Variants in SASH1 observed in about 807,000 individuals in gnomAD.
The protein encoded by SASH1 is SAM and SH3 domain containing 1, also known as SAM and SH3 domain-containing protein 1.
In SASH1, 44 loss-of-function variants were observed where a neutral mutation model predicts 125.2. The ratio of observed to expected loss-of-function variants is 0.35; its 90% CI spans 0.28 to 0.45. SASH1 has a LOEUF of 0.45. SASH1 is among the 20% of genes least tolerant of loss of function. The pLI is 1.00. For synonymous variants in SASH1, 639 were observed against 649.1 expected, an observed-to-expected ratio of 0.98 and a Z score of 0.24; for missense variants, 1,426 against 1,614.5, an observed-to-expected ratio of 0.88 and a Z score of 2.00.
intron 1 of SASH1, among the ~76,000 whole-genome samples, chr6:148,384,129 T>G (rs2114796011): frequency 6.6e-6 from 1 of 152,342 alleles, no homozygotes; most frequent in African/African-American, 2.4e-5. Context: ...AACTTGAATC[T>G]GCATGTATCT....
At chr6:148,513,013 T>C (rs1780237270) in intron 8 of SASH1, 1 of 985,210 alleles carries the variant, frequency 1.0e-6, no homozygotes, top group Non-Finnish European at 1.2e-6. Flanking sequence ...GTACTAATGT[T>C]CGTGCCATAG....
chr6:148,299,156 G>T (rs1490026008), intron 1 of SASH1, among the ~76,000 whole-genome samples: 1 of 152,122 alleles, frequency 6.6e-6, no homozygotes, highest in Admixed American at 6.6e-5. Context: ...GAAGGTGTTT[G>T]GGAAACAGCG....
rs1030406676 is a variant in SASH1 at position 148,517,763 on chromosome 6, C to T, written c.863-1784C>T. Among the ~76,000 whole-genome samples, 5 of 152,176 alleles carry T rather than the reference C, an allele frequency of 3.3e-5. No individual in the cohort carries two copies. The South Asian group carries it at 1.0e-3, about 32-fold the overall frequency. ...GCTGGTTCCAGACTCAGATGTGACA[C>T]CAAAGTATTGGAATCTCTGACAACA... On this transcript the variant is annotated intron_variant, in intron 9 of 19. Coordinates refer to ENST00000367467, the MANE Select transcript of SASH1 (RefSeq NM_015278.5).
intron 4 of SASH1, among the ~76,000 whole-genome samples, chr6:148,445,462 G>A (rs6909638): frequency 0.42 from 63,920 of 151,972 alleles, 13,660 homozygotes; most frequent in South Asian, 0.66. Flanking sequence ...TTTCTTGAGA[G>A]GGCTGGGAAA....
chr6:148,490,793 T>TA (rs1236082857), intron 8 of SASH1, among the ~76,000 whole-genome samples: 2 of 152,220 alleles, frequency 1.3e-5, no homozygotes, highest in South Asian at 2.1e-4. Context: ...TTGGCACACT[T>TA]AAAATTCTAT....
At chr6:148,500,842 G>A (rs911051793) in intron 8 of SASH1, among the ~76,000 whole-genome samples, 2 of 151,908 alleles carry the variant, frequency 1.3e-5, no homozygotes. Context: ...TTTGTTAGTC[G>A]TTGTGAGAAG....
intron 1 of SASH1, among the ~76,000 whole-genome samples, chr6:148,282,746 A>G (rs1779375695): frequency 1.1e-5 from 1 of 90,460 alleles, no homozygotes; most frequent in Non-Finnish European, 2.1e-5. Context: ...CCGAACTAAC[A>G]CAACCACTAT....
intron 10 of SASH1, chr6:148,520,173 A>G: frequency 4.9e-6 from 2 of 406,664 alleles, no homozygotes; most frequent in East Asian, 4.7e-5. Context: ...CAGCGAGTTC[A>G]ATATCACCTA....
chr6:148,378,766 C>T (rs1449670287), intron 1 of SASH1, among the ~76,000 whole-genome samples: 1 of 152,206 alleles, frequency 6.6e-6, no homozygotes, highest in Non-Finnish European at 1.5e-5. Flanking sequence ...ATCTTGTCTT[C>T]ACTGTTCAGC....
In SASH1 at chr6:148,390,381, T is replaced by C. The variant is rs1783651680; in HGVS notation, c.285+119T>C. On this transcript the variant is annotated intron_variant, in intron 2 of 19. Transcript: ENST00000367467. ...GGTATCAATCTGTAGGCTGCTGCAC[T>C]AGTGTGGGGTAGAATGTTCAGGTCC... 6.3e-6 allele frequency: 6 copies of C among 946,916 alleles called. No homozygotes were observed. The Admixed American group carries it at 1.6e-4, about 25-fold the overall frequency. 58.7% of individuals were successfully genotyped at this position (946,916 alleles called of 1,614,324 possible).
intron 11 of SASH1, among the ~76,000 whole-genome samples, chr6:148,526,807 T>C (rs1781192649): frequency 6.6e-6 from 1 of 152,154 alleles, no homozygotes; most frequent in East Asian, 1.9e-4. Context: ...AATTCGGTAG[T>C]ATTATCCCTC....
intron 1 of SASH1, among the ~76,000 whole-genome samples, chr6:148,298,713 GAA>G: frequency 2.1e-5 from 1 of 46,738 alleles, no homozygotes; most frequent in Non-Finnish European, 4.0e-5. Context: ...AAGGAAGGAA[GAA>G]GGAAGGGAAA....
intron 1 of SASH1, among the ~76,000 whole-genome samples, chr6:148,386,978 C>T (rs1241719937): frequency 6.6e-6 from 1 of 152,004 alleles, no homozygotes; most frequent in Non-Finnish European, 1.5e-5. Context: ...TGAAGATAGC[C>T]CAGCTCCCTC....
Position 148,532,734 on chromosome 6 carries a change from C to G in SASH1, c.1565-63C>G, listed in dbSNP as rs1053735998. ...TCCTAATCTGCCATACCTTCAATAC[C>G]TTTCTGCTTTGCTGGGTGGGAAATC... On this transcript the variant is annotated intron_variant, in intron 13 of 19. Transcript: ENST00000367467. The surrounding 1 kb of genome is among the most constrained non-coding windows in gnomAD (Gnocchi z 4.7). The G allele has an allele frequency of 1.3e-6, 2 of 1,584,676 alleles. No homozygotes were observed. The highest frequency in any genetic ancestry group is 1.1e-5 in the South Asian group (1 of 88,468).
intron 2 of SASH1, among the ~76,000 whole-genome samples, chr6:148,417,262 G>A (rs34804062): frequency 0.051 from 7,712 of 152,226 alleles, 242 homozygotes; most frequent in East Asian, 0.077. Context: ...CTGACTGGGA[G>A]GGCCAGTAGA....
intron 1 of SASH1, among the ~76,000 whole-genome samples, chr6:148,331,645 A>G (rs1012769693): frequency 2.6e-5 from 4 of 152,078 alleles, no homozygotes; most frequent in Non-Finnish European, 5.9e-5. Flanking sequence ...TGGTCTTTAC[A>G]CAGCATCAAC....
the SASH1 span, among the ~76,000 whole-genome samples, chr6:148,262,114 A>ACACACG: frequency 1.3e-5 from 2 of 151,890 alleles, no homozygotes; most frequent in Non-Finnish European, 2.9e-5. Flanking sequence ...ACACACACAC[A>ACACACG]CACACGCACG....
At chr6:148,454,790 C>T (rs917741379) in intron 4 of SASH1, among the ~76,000 whole-genome samples, 2 of 152,166 alleles carry the variant, frequency 1.3e-5, no homozygotes, top group African/African-American at 4.8e-5. Context: ...CTTGTCAAGC[C>T]TTTCTTTATT....
chr6:148,309,084 CAAAAAAAA>C (rs10652144), intron 1 of SASH1, among the ~76,000 whole-genome samples: 1 of 101,130 alleles, frequency 9.9e-6, no homozygotes, highest in South Asian at 3.6e-4. Flanking sequence ...ACTCTGTCTC[CAAAAAAAA>C]AAAAAAAAAA....
Sources: gnomAD v4.1 joint callset for allele counts (sites outside exome capture counted in the v4.1 genomes callset) on GRCh38, gnomAD v4.1.1 for gene constraint, Gnocchi (gnomAD v3.1) non-coding constraint, MANE v1.5 for transcripts, NCBI Gene and HGNC (gene_info 2026-07-23, HGNC 2026-07-21) for gene names.